The following BRWD3 variants were observed in gnomAD, a reference collection of about 807,000 sequenced individuals.
The protein encoded by BRWD3 is bromodomain and WD repeat domain containing 3.
Under a neutral mutation model 149.7 loss-of-function variants are expected in BRWD3, and 10 were observed. The ratio of observed to expected loss-of-function variants is 0.07; its 90% CI spans 0.04 to 0.11. BRWD3 has a LOEUF of 0.11. BRWD3 is among the 10% of genes least tolerant of loss of function. BRWD3 has a pLI of 1.00. For synonymous variants in BRWD3, 504 were observed against 456.7 expected (o/e 1.10, Z -1.32); for missense variants, 940 against 1,373.2 (o/e 0.68, Z 4.99).
chrX:80,715,028 G>C (rs974162616), intron 20 of BRWD3, among the ~76,000 whole-genome samples: 3 of 111,453 alleles, frequency 2.7e-5, no homozygotes, highest in Non-Finnish European at 5.7e-5. Context: ...TGCAATCCTA[G>C]AATGTAATCA....
intron 6 of BRWD3, among the ~76,000 whole-genome samples, chrX:80,764,595 G>C (rs146660256): frequency 0.05 from 5,472 of 110,006 alleles, 120 homozygotes; most frequent in Non-Finnish European, 0.07. Context: ...TTACAGGTGT[G>C]AGCCACCGCG....
intron 20 of BRWD3, chrX:80,710,679 GA>G: frequency 8.6e-6 from 7 of 815,360 alleles, no homozygotes; most frequent in Non-Finnish European, 1.3e-5. Context: ...TTAACCAGCA[GA>G]AAAGGCTGAT....
chrX:80,688,021 C>T, intron 34 of BRWD3, 48 bp downstream of exon 34: 1 of 1,059,312 alleles, frequency 9.4e-7, no homozygotes, highest in Non-Finnish European at 1.3e-6. Context: ...ATCACTGACA[C>T]AGGAAACCTG....
intron 6 of BRWD3, among the ~76,000 whole-genome samples, chrX:80,781,515 A>C (rs1392274361): frequency 9.0e-6 from 1 of 111,139 alleles, no homozygotes; most frequent in Non-Finnish European, 1.9e-5. Context: ...CTCAACAAGA[A>C]AACCCAAGTG....
At chrX:80,711,392 A>G (rs913437939) in intron 20 of BRWD3, among the ~76,000 whole-genome samples, 3 of 111,846 alleles carry the variant, frequency 2.7e-5, no homozygotes, top group African/African-American at 9.8e-5. Flanking sequence ...ACTTTCCAAT[A>G]TGACTCTGGC....
chrX:80,809,703 G>C lies in BRWD3; in HGVS notation c.-232C>G, dbSNP rs1218020581. On this transcript the variant is annotated 5_prime_UTR_variant, in exon 1 of 41. Coordinates refer to ENST00000373275, the MANE Select transcript of BRWD3 (RefSeq NM_153252.5). Reference sequence around the variant, plus strand: ...AGGAAGGAGAGGAGAGGGAGAGGGAGAGAGAGAGTGAGTGAGTGAGAGAGA... The same window carrying C: ...AGGAAGGAGAGGAGAGGGAGAGGGACAGAGAGAGTGAGTGAGTGAGAGAGA... The C allele has an allele frequency of 2.6e-5, 10 of 387,916 alleles. No individual in the cohort carries two copies. Among genetic ancestry groups the C allele is most frequent in the Admixed American group, 1.4e-4 (3 of 21,461 alleles). 32.0% of individuals were successfully genotyped at this position (387,916 alleles called of 1,213,427 possible).
intron 8 of BRWD3, among the ~76,000 whole-genome samples, chrX:80,738,267 G>T (rs183443047): frequency 1.3e-4 from 14 of 111,934 alleles, no homozygotes; most frequent in African/African-American, 4.5e-4. Flanking sequence ...TCGTGTTATG[G>T]ATTGTTTAAT....
intron 15 of BRWD3, 77 bp downstream of exon 15, chrX:80,724,856 T>C: frequency 9.2e-7 from 1 of 1,089,937 alleles, no homozygotes; most frequent in Non-Finnish European, 1.3e-6. Context: ...CTGCACTAGG[T>C]ATACTTTAAT....
chrX:80,757,953 C>A (rs1009308424), intron 6 of BRWD3, among the ~76,000 whole-genome samples: 37 of 112,207 alleles, frequency 3.3e-4, no homozygotes, highest in African/African-American at 1.1e-3. Flanking sequence ...GTAATCCCAG[C>A]ACTTTGGGAG....
chrX:80,802,250 T>C (rs1443250677), intron 4 of BRWD3, among the ~76,000 whole-genome samples: 1 of 109,617 alleles, frequency 9.1e-6, no homozygotes, highest in Admixed American at 9.8e-5. Flanking sequence ...AGACTAGCCT[T>C]GGCCAACACG....
chrX:80,718,005 C>G (rs2073096862), intron 18 of BRWD3, among the ~76,000 whole-genome samples: 1 of 111,186 alleles, frequency 9.0e-6, no homozygotes, highest in African/African-American at 3.3e-5. Flanking sequence ...AGTTTCACAT[C>G]TGACATCTAC....
intron 10 of BRWD3, among the ~76,000 whole-genome samples, chrX:80,734,705 CA>C (rs1210178973): frequency 7.0e-5 from 7 of 100,643 alleles, no homozygotes; most frequent in Non-Finnish European, 1.2e-4. Flanking sequence ...TCACCACAAT[CA>C]AAAAAAGGAA....
At position 80,677,009 on chromosome X, in the gene BRWD3, G is replaced by A; in HGVS notation, c.5009C>T (p.Thr1670Ile). ...TCTTCCCCATCTGCCTCTTCCTCCT[G>A]TGCCTCTGGTCTTCCAATTTCTTTT... is the stretch of plus-strand genomic sequence containing the variant. The part of the protein sequence containing the change: ...NGKRNWKTRG[T>I]GGRGRWGRWG... The change falls in exon 41 of 41, where the codon ACA (threonine) becomes ATA (isoleucine). Residue 1670 changes from threonine (T) to isoleucine (I), a missense_variant. By Grantham distance (89) the Thr-to-Ile change is moderately conservative (BLOSUM62 -1). This residue lies in a region of BRWD3 where 349 missense variants were observed against 419.6 expected (regional missense o/e 0.83). Coordinates refer to ENST00000373275, the MANE Select transcript of BRWD3 (RefSeq NM_153252.5). 1.7e-6 allele frequency: 2 copies of A among 1,210,017 alleles called. No individual in the cohort carries two copies. The highest frequency in any genetic ancestry group is 2.2e-6 in the Non-Finnish European group (2 of 894,655).
At chrX:80,751,202 TTAA>T in intron 6 of BRWD3, among the ~76,000 whole-genome samples, 1 of 111,263 alleles carries the variant, frequency 9.0e-6, no homozygotes, top group South Asian at 3.8e-4. Flanking sequence ...GTGACCACAG[TTAA>T]TAATAATAAA....
In BRWD3 at chrX:80,788,969, C is replaced by A. The variant is rs866646071; in HGVS notation, c.430+2885G>T. On this transcript the variant is annotated intron_variant, in intron 6 of 40. Transcript: ENST00000373275. ...CGATACTGAGGCTGATAAAAATGTT[C>A]CATATTTTATTGTAGTGGTGGTTAC... 8.8e-4 allele frequency among the ~76,000 whole-genome samples: 98 copies of A among 111,860 alleles called. 1 individual carries two copies. The highest frequency in any genetic ancestry group is 2.9e-3 in the African/African-American group (90 of 30,845).
chrX:80,795,662 C>T (rs758026091), intron 4 of BRWD3, among the ~76,000 whole-genome samples: 1 of 109,959 alleles, frequency 9.1e-6, no homozygotes, highest in South Asian at 3.9e-4. Context: ...AGGAGAATCA[C>T]TTGAGCCCTG....
chrX:80,709,543 C>A lies in BRWD3; in HGVS notation c.2360G>T (p.Arg787Leu), dbSNP rs1337009699. The A allele has an allele frequency of 8.3e-7, 1 of 1,209,706 alleles. No homozygotes were observed. The highest frequency in any genetic ancestry group is 1.1e-6 in the Non-Finnish European group (1 of 894,568). ...DYEPSCGRSL[R>L]RTQRKRQHTY... is the part of the protein sequence containing the mutation. Reference sequence around the variant, plus strand: ...ATGCTGACGTTTGCGCTGTGTCCTGCGTAAAGAACGCCCACAGCTAGGCTC... The same window carrying A: ...ATGCTGACGTTTGCGCTGTGTCCTGAGTAAAGAACGCCCACAGCTAGGCTC... The change falls in exon 21 of 41, where the codon CGC (arginine) becomes CTC (leucine). Residue 787 changes from arginine to leucine, a missense_variant. Around this residue, in one of 6 missense-constraint regions of BRWD3, gnomAD observed 103 missense variants for 103.2 expected, o/e 1.00. Coordinates refer to ENST00000373275, the MANE Select transcript of BRWD3 (RefSeq NM_153252.5).
intron 8 of BRWD3, among the ~76,000 whole-genome samples, chrX:80,741,922 G>C (rs138887408): frequency 0.085 from 9,432 of 111,004 alleles, 380 homozygotes; most frequent in South Asian, 0.18. Context: ...TAATTAGATC[G>C]CATTTGTCAA....
chrX:80,725,386 CA>C (rs1237556048), intron 14 of BRWD3, among the ~76,000 whole-genome samples: 2 of 111,891 alleles, frequency 1.8e-5, no homozygotes, highest in Non-Finnish European at 3.8e-5. Flanking sequence ...CAGAATATGA[CA>C]AACAGAATCT....
Sources: gnomAD v4.1 joint callset for allele counts (sites outside exome capture counted in the v4.1 genomes callset) on GRCh38, gnomAD v4.1.1 for gene constraint, gnomAD v4.1.1 regional missense constraint, MANE v1.5 for transcripts, NCBI Gene and HGNC (gene_info 2026-07-23, HGNC 2026-07-21) for gene names.